The following TBC1D5 variants were observed in gnomAD, a reference collection of about 807,000 sequenced individuals.
The protein encoded by TBC1D5 is TBC1 domain family, member 5.
Under a neutral mutation model 100.3 loss-of-function variants are expected in TBC1D5, and 75 were observed. The observed-to-expected ratio is 0.75, with a 90% CI of 0.62 to 0.91. TBC1D5 has a LOEUF of 0.91. Ranked by LOEUF, TBC1D5 falls within the 40% of genes least tolerant of loss-of-function variation. TBC1D5 has a pLI of 0.00. For missense variants in TBC1D5, 910 were observed against 942.4 expected (o/e 0.97, Z 0.45); for synonymous variants, 323 against 325.6 (o/e 0.99, Z 0.09).
chr3:17,346,293 G>C (rs912386711), intron 13 of TBC1D5, among the ~76,000 whole-genome samples: 4 of 151,950 alleles, frequency 2.6e-5, no homozygotes, highest in African/African-American at 9.7e-5. Flanking sequence ...CTTCACCTTT[G>C]CTAACCTAAT....
At chr3:17,208,760 T>C (rs1348718680) in intron 18 of TBC1D5, among the ~76,000 whole-genome samples, 1 of 152,222 alleles carries the variant, frequency 6.6e-6, no homozygotes, top group Non-Finnish European at 1.5e-5. Context: ...TGTTGGAGAC[T>C]AATCCATATG....
chr3:17,329,231 G>C lies in TBC1D5; in HGVS notation c.996-21097C>G, dbSNP rs80309258. Among the ~76,000 whole-genome samples, 520 of 152,248 alleles carry C rather than the reference G, an allele frequency of 3.4e-3. 2 individuals are homozygous for C. Among genetic ancestry groups the C allele is most frequent in the African/African-American group, 0.012 (506 of 41,530 alleles). On this transcript the variant is annotated intron_variant, in intron 13 of 21. Transcript: ENST00000253692. ...ATAACTTGATTACTTCAGAATTATT[G>C]TTCTAAGTCTTCATTATGTCATCCA... is the stretch of plus-strand genomic sequence containing the variant.
At chr3:17,694,644 G>A (rs2071721653) in intron 1 of TBC1D5, among the ~76,000 whole-genome samples, 1 of 152,158 alleles carries the variant, frequency 6.6e-6, no homozygotes, top group African/African-American at 2.4e-5. Context: ...AAGTGATGGG[G>A]AGAATGGACC....
chr3:17,558,101 T>C (rs765918667), intron 2 of TBC1D5, among the ~76,000 whole-genome samples: 1 of 152,170 alleles, frequency 6.6e-6, no homozygotes, highest in Non-Finnish European at 1.5e-5. Context: ...TATAATTCTA[T>C]TTTATAGCTC....
chr3:17,621,426 G>A (rs1450190960), intron 2 of TBC1D5, among the ~76,000 whole-genome samples: 1 of 152,076 alleles, frequency 6.6e-6, no homozygotes, highest in African/African-American at 2.4e-5. Flanking sequence ...CCAAAGCTGG[G>A]GCAAAACAGA....
chr3:17,653,576 T>C (rs978904771), intron 1 of TBC1D5, among the ~76,000 whole-genome samples: 1 of 152,012 alleles, frequency 6.6e-6, no homozygotes, highest in African/African-American at 2.4e-5. Flanking sequence ...CACACTAGGG[T>C]AGACTAAGGA....
chr3:17,652,820 T>C (rs867259728), intron 1 of TBC1D5, among the ~76,000 whole-genome samples: 2 of 152,162 alleles, frequency 1.3e-5, no homozygotes, highest in Non-Finnish European at 2.9e-5. Flanking sequence ...TTGTTAGAAT[T>C]ACCATATGAC....
chr3:17,493,438 T>G (rs2095663930), intron 3 of TBC1D5, among the ~76,000 whole-genome samples: 2 of 152,098 alleles, frequency 1.3e-5, no homozygotes, highest in Admixed American at 6.5e-5. Context: ...TCTCAGGAAA[T>G]ATCTTCTATT....
At chr3:17,475,184 A>G (rs534509052) in intron 3 of TBC1D5, among the ~76,000 whole-genome samples, 2 of 130,168 alleles carry the variant, frequency 1.5e-5, no homozygotes, top group South Asian at 2.4e-4. Context: ...GCCCCGCCCC[A>G]CCCGTTTATA....
intron 17 of TBC1D5, among the ~76,000 whole-genome samples, chr3:17,225,785 A>G (rs1386973009): frequency 6.6e-6 from 1 of 152,142 alleles, no homozygotes; most frequent in African/African-American, 2.4e-5. Flanking sequence ...TAGAGGCTGC[A>G]GTGTGCCATG....
intron 2 of TBC1D5, among the ~76,000 whole-genome samples, chr3:17,582,886 G>T (rs1316094148): frequency 1.3e-5 from 2 of 152,006 alleles, no homozygotes; most frequent in African/African-American, 2.4e-5. Context: ...CTTTTATTCT[G>T]GGAAAAATAT....
chr3:17,212,292 T>C (rs942806091), intron 18 of TBC1D5, among the ~76,000 whole-genome samples: 1 of 152,156 alleles, frequency 6.6e-6, no homozygotes, highest in African/African-American at 2.4e-5. Flanking sequence ...AAAAATTCTA[T>C]TGGCTAGTGA....
chr3:17,200,941 A>G (rs186806828), intron 18 of TBC1D5, among the ~76,000 whole-genome samples: 2 of 152,384 alleles, frequency 1.3e-5, no homozygotes, highest in East Asian at 1.9e-4. Flanking sequence ...AAGAGGATTA[A>G]TAATTAGGCA....
At chr3:17,178,316 C>T (rs1012184900) in intron 19 of TBC1D5, among the ~76,000 whole-genome samples, 17 of 152,056 alleles carry the variant, frequency 1.1e-4, no homozygotes, top group Non-Finnish European at 2.4e-4. Flanking sequence ...CCACCCACCT[C>T]GGCCTCCCAA....
At chr3:17,522,483 A>G (rs968650393) in intron 2 of TBC1D5, among the ~76,000 whole-genome samples, 5 of 152,202 alleles carry the variant, frequency 3.3e-5, no homozygotes, top group African/African-American at 1.2e-4. Context: ...TGCTCACATA[A>G]TATCTTGAAG....
intron 2 of TBC1D5, among the ~76,000 whole-genome samples, chr3:17,522,132 T>A (rs1394021370): frequency 6.6e-6 from 1 of 152,056 alleles, no homozygotes; most frequent in African/African-American, 2.4e-5. Flanking sequence ...TGATAGTCAC[T>A]TAAAATATTA....
chr3:17,456,378 G>A (rs2095085098), intron 3 of TBC1D5, among the ~76,000 whole-genome samples: 1 of 152,032 alleles, frequency 6.6e-6, no homozygotes, highest in African/African-American at 2.4e-5. Flanking sequence ...CATAATAGGA[G>A]AAAATATCTG....
chr3:17,214,516 A>G, intron 17 of TBC1D5, 146 bp from the exon 19 acceptor site: 1 of 782,922 alleles, frequency 1.3e-6, no homozygotes, highest in Non-Finnish European at 1.9e-6. Context: ...ATTAAAATGC[A>G]TGCATTTTTA....
intron 16 of TBC1D5, among the ~76,000 whole-genome samples, chr3:17,254,239 T>G (rs1287490460): frequency 6.6e-6 from 1 of 152,228 alleles, no homozygotes; most frequent in Non-Finnish European, 1.5e-5. Flanking sequence ...CACTTAGAAA[T>G]TAAACTGCTA....
Sources: gnomAD v4.1 joint callset for allele counts (sites outside exome capture counted in the v4.1 genomes callset) on GRCh38, gnomAD v4.1.1 for gene constraint, MANE v1.5 for transcripts, NCBI Gene and HGNC (gene_info 2026-07-23, HGNC 2026-07-21) for gene names.